DTNA: variants seen among roughly 807,000 people sequenced by gnomAD.
DTNA encodes the protein dystrophin-related protein 3.
Under a neutral mutation model 100.7 loss-of-function variants are expected in DTNA, and 43 were observed. That is an observed-to-expected ratio of 0.43 (90% confidence interval 0.33 to 0.55). The LOEUF (loss-of-function observed/expected upper bound fraction) is 0.55. DTNA is among the 20% of genes least tolerant of loss of function. The pLI is 0.04. For missense variants in DTNA, 798 were observed against 953.9 expected (o/e 0.84, Z 2.15); for synonymous variants, 349 against 347.9 (o/e 1.00, Z -0.04).
At chr18:34,731,262 G>A (rs1303630113) in intron 1 of DTNA, among the ~76,000 whole-genome samples, 1 of 152,134 alleles carries the variant, frequency 6.6e-6, no homozygotes, top group African/African-American at 2.4e-5. Context: ...GGTGGATCAT[G>A]AGGTCAGGAG....
chr18:34,590,047 A>AT (rs1346741180), intron 1 of DTNA, among the ~76,000 whole-genome samples: 6 of 152,224 alleles, frequency 3.9e-5, no homozygotes, highest in African/African-American at 1.4e-4. Flanking sequence ...GTTATTGTGA[A>AT]TAATGCTGCA....
At chr18:34,766,130 A>AATATTAGC in intron 3 of DTNA, 89 bp downstream of exon 3, 2 of 1,373,172 alleles carry the variant, frequency 1.5e-6, no homozygotes, top group African/African-American at 1.4e-5. Flanking sequence ...ATTCTGTTAC[A>AATATTAGC]AATATTGCTA....
intron 1 of DTNA, among the ~76,000 whole-genome samples, chr18:34,503,248 G>T (rs2040121147): frequency 1.5e-5 from 2 of 135,516 alleles, no homozygotes; most frequent in African/African-American, 2.7e-5. Context: ...TATTTTATTT[G>T]AGTTCCTTGT....
intron 1 of DTNA, among the ~76,000 whole-genome samples, chr18:34,690,395 C>T (rs1384651460): frequency 6.6e-6 from 1 of 152,208 alleles, no homozygotes; most frequent in Non-Finnish European, 1.5e-5. Context: ...AGGGAGTTCC[C>T]TAACCTCTTG....
intron 1 of DTNA, among the ~76,000 whole-genome samples, chr18:34,736,911 T>A (rs2089718673): frequency 6.6e-6 from 1 of 152,216 alleles, no homozygotes; most frequent in African/African-American, 2.4e-5. Context: ...TCATATAATT[T>A]GATCTTCCTG....
intron 1 of DTNA, among the ~76,000 whole-genome samples, chr18:34,714,506 G>C (rs1353911826): frequency 6.7e-6 from 1 of 149,748 alleles, no homozygotes; most frequent in Non-Finnish European, 1.5e-5. Context: ...CTGGCCATCA[G>C]AGAAATGCAA....
chr18:34,827,760 GCC>G, intron 10 of DTNA, 84 bp downstream of exon 10: 3 of 1,339,192 alleles, frequency 2.2e-6, no homozygotes, highest in Non-Finnish European at 2.1e-6. Flanking sequence ...TCTCATGCAA[GCC>G]AAGGGCAGAA....
At chr18:34,623,699 G>A (rs1271495320) in intron 1 of DTNA, among the ~76,000 whole-genome samples, 1 of 152,184 alleles carries the variant, frequency 6.6e-6, no homozygotes, top group Non-Finnish European at 1.5e-5. Context: ...GGTGTGCTAT[G>A]TCCTGGCCAT....
intron 1 of DTNA, among the ~76,000 whole-genome samples, chr18:34,668,883 T>C (rs1302652125): frequency 6.6e-6 from 1 of 152,242 alleles, no homozygotes; most frequent in Non-Finnish European, 1.5e-5. Context: ...GGTGTGGTGC[T>C]GAGAAGAAGG....
chr18:34,660,226 A>AC (rs1484573217), intron 1 of DTNA, among the ~76,000 whole-genome samples: 1 of 151,978 alleles, frequency 6.6e-6, no homozygotes, highest in Non-Finnish European at 1.5e-5. Flanking sequence ...ATCGGAATGG[A>AC]CCCCTCCTCT....
intron 1 of DTNA, among the ~76,000 whole-genome samples, chr18:34,556,697 C>A (rs2046093651): frequency 6.7e-6 from 1 of 150,144 alleles, no homozygotes; most frequent in Non-Finnish European, 1.5e-5. Flanking sequence ...TGAATATCGG[C>A]CCCCACTCTC....
chr18:34,656,404 C>T (rs970348439), intron 1 of DTNA, among the ~76,000 whole-genome samples: 3 of 152,140 alleles, frequency 2.0e-5, no homozygotes, highest in Non-Finnish European at 4.4e-5. Flanking sequence ...GTTCTTCTTA[C>T]GGTAAATGTC....
chr18:34,691,859 C>T (rs1248111970), intron 1 of DTNA, among the ~76,000 whole-genome samples: 1 of 152,192 alleles, frequency 6.6e-6, no homozygotes, highest in African/African-American at 2.4e-5. Flanking sequence ...CAATATCCAG[C>T]ACAGCTGCTG....
At chr18:34,884,171 G>T (rs577567766) in intron 21 of DTNA, among the ~76,000 whole-genome samples, 10 of 152,264 alleles carry the variant, frequency 6.6e-5, no homozygotes, top group African/African-American at 2.4e-4. Flanking sequence ...TATTAGAAGC[G>T]TCTATTAGGC....
intron 1 of DTNA, among the ~76,000 whole-genome samples, chr18:34,588,497 A>G (rs186283710): frequency 6.6e-5 from 10 of 152,214 alleles, no homozygotes; most frequent in Middle Eastern, 3.4e-3. Flanking sequence ...CCTTTCTTAA[A>G]ACCAACATAA....
chr18:34,710,878 T>C (rs1438696681), intron 1 of DTNA, among the ~76,000 whole-genome samples: 1 of 152,146 alleles, frequency 6.6e-6, no homozygotes, highest in East Asian at 1.9e-4. Flanking sequence ...TTCTACTAAA[T>C]TAAGCAGTAG....
At position 34,867,200 on chromosome 18, in the gene DTNA, CA is replaced by C. The variant is rs1603301957; in HGVS notation, c.1743+3139del. On this transcript the variant is annotated intron_variant, in intron 17 of 22. Transcript: ENST00000444659. ...CTTCTGTATGCTCTTTTCTATTATT[CA>C]TTATGTGTGTTTGTGTGTAACAAAG... The C allele has an allele frequency of 9.7e-6, 12 of 1,231,302 alleles. No homozygotes were observed. The East Asian group carries it at 3.8e-4, about 39-fold the overall frequency. 76.3% of individuals were successfully genotyped at this position (1,231,302 alleles called of 1,614,324 possible).
At chr18:34,503,040 G>C (rs1459459692) in intron 1 of DTNA, among the ~76,000 whole-genome samples, 4 of 151,896 alleles carry the variant, frequency 2.6e-5, no homozygotes, top group African/African-American at 4.8e-5. Context: ...TCTGTTATTT[G>C]GTGCATATGT....
In DTNA at chr18:34,877,960, T is replaced by G. The variant is rs182122837; in HGVS notation, c.1993+152T>G. On this transcript the variant is annotated intron_variant, in intron 19 of 22. Coordinates refer to ENST00000444659, the MANE Select transcript of DTNA (RefSeq NM_001386795.1). ...TGTTGGTCTATTCAGATTTGAGGGG[T>G]TTTTTTTTTGTTTGTTTGTTTTTGG... 9.5e-4 allele frequency: 546 copies of G among 574,344 alleles called. 5 individuals are homozygous for G. The African/African-American group carries it at 0.01, about 11-fold the overall frequency. The allele number at this position is 574,344 out of a possible 1,614,324, so 35.6% of individuals were successfully genotyped here.
Sources: allele counts gnomAD v4.1 joint callset (sites outside exome capture counted in the v4.1 genomes callset), GRCh38; gene constraint gnomAD v4.1.1; transcripts MANE v1.5; gene names NCBI Gene and HGNC (gene_info 2026-07-23, HGNC 2026-07-21).